The following LARP4B variants were observed in gnomAD, a reference collection of about 807,000 sequenced individuals.
The protein encoded by LARP4B is La ribonucleoprotein 4B, also known as la-related protein 4B.
In LARP4B, 12 loss-of-function variants were observed where a neutral mutation model predicts 89.8. The ratio of observed to expected loss-of-function variants is 0.13; its 90% CI spans 0.09 to 0.22. The LOEUF is 0.22. Among genes scored for constraint, LARP4B ranks in the 10% least tolerant of loss-of-function variants. The pLI is 1.00. For synonymous variants in LARP4B, 367 were observed against 363.3 expected (o/e 1.01, Z -0.12); for missense variants, 757 against 947.7 (o/e 0.80, Z 2.64).
intron 7 of LARP4B, among the ~76,000 whole-genome samples, chr10:838,843 A>T (rs1217846450): frequency 6.6e-6 from 1 of 152,242 alleles, no homozygotes; most frequent in Non-Finnish European, 1.5e-5. Flanking sequence ...CATAACTGCC[A>T]AAACTTGGAA....
chr10:839,688 C>A (rs559656999), intron 7 of LARP4B, among the ~76,000 whole-genome samples: 1 of 152,316 alleles, frequency 6.6e-6, no homozygotes, highest in African/African-American at 2.4e-5. Flanking sequence ...CTCATCCCTG[C>A]TGGTGGTGGC....
chr10:951,347 G>C, the LARP4B span, among the ~76,000 whole-genome samples: 2 of 151,972 alleles, frequency 1.3e-5, no homozygotes, highest in Non-Finnish European at 2.9e-5. Flanking sequence ...TCAGGAGTTC[G>C]AGACCAGCCT....
chr10:976,679 A>G, the LARP4B span, among the ~76,000 whole-genome samples: 4 of 149,888 alleles, frequency 2.7e-5, no homozygotes. Context: ...CTGTCACGTG[A>G]TGTGTGGCCC....
intron 3 of LARP4B, among the ~76,000 whole-genome samples, chr10:877,629 G>C (rs1388847856): frequency 2.0e-5 from 3 of 152,160 alleles, no homozygotes; most frequent in Non-Finnish European, 4.4e-5. Flanking sequence ...TTGTAAAATG[G>C]GGATAACAGT....
At chr10:902,375 G>A (rs1588976070) in intron 1 of LARP4B, among the ~76,000 whole-genome samples, 1 of 152,172 alleles carries the variant, frequency 6.6e-6, no homozygotes, top group African/African-American at 2.4e-5. Context: ...TTTATCCCGT[G>A]CTACACCTTT....
intron 1 of LARP4B, among the ~76,000 whole-genome samples, chr10:907,735 T>C (rs1392097507): frequency 1.3e-5 from 2 of 152,216 alleles, no homozygotes; most frequent in Non-Finnish European, 2.9e-5. Flanking sequence ...ATGATATGAC[T>C]GGGCTGGCAG....
At chr10:926,132 C>T (rs916964517) in intron 1 of LARP4B, among the ~76,000 whole-genome samples, 8 of 152,202 alleles carry the variant, frequency 5.3e-5, no homozygotes, top group Non-Finnish European at 8.8e-5. Context: ...TTTCACTAAA[C>T]ATCTACAGTT....
chr10:821,030 T>G, intron 13 of LARP4B, 185 bp from the exon 14 acceptor site: 1 of 596,346 alleles, frequency 1.7e-6, no homozygotes, highest in Non-Finnish European at 2.9e-6. Context: ...CAACACAAAG[T>G]TGACAGCAAG....
chr10:910,853 C>T (rs1836647086), intron 1 of LARP4B, among the ~76,000 whole-genome samples: 1 of 152,210 alleles, frequency 6.6e-6, no homozygotes, highest in Admixed American at 6.5e-5. Context: ...TACTGAAAAG[C>T]ACACAGCCCT....
chr10:926,075 C>G (rs1336081699), intron 1 of LARP4B, among the ~76,000 whole-genome samples: 1 of 152,224 alleles, frequency 6.6e-6, no homozygotes, highest in African/African-American at 2.4e-5. Flanking sequence ...CTCTGGAACA[C>G]AGGTGGGAGA....
Position 835,039 on chromosome 10 carries a change from C to CAA in LARP4B, c.750+1362_750+1363dup, listed in dbSNP as rs34825774. 6.5e-3 allele frequency among the ~76,000 whole-genome samples: 603 copies of CAA among 93,468 alleles called. 5 individuals carry two copies. Among genetic ancestry groups the CAA allele is most frequent in the African/African-American group, 0.021 (529 of 25,234 alleles). 61.3% of individuals were successfully genotyped at this position (93,468 alleles called of 152,430 possible). ...TGGGTGACAGAGCAAGACTCCGTCT[C>CAA]AAAAAAAAAAAAAAAGCAAGCAAGA... On this transcript the variant is annotated intron_variant, in intron 8 of 17. Transcript: ENST00000316157.
intron 15 of LARP4B, among the ~76,000 whole-genome samples, chr10:817,137 G>C (rs568778369): frequency 6.6e-6 from 1 of 152,326 alleles, no homozygotes; most frequent in South Asian, 2.1e-4. Flanking sequence ...AGGTGTGGCA[G>C]CCGGCCAAGT....
intron 1 of LARP4B, among the ~76,000 whole-genome samples, chr10:924,922 G>C (rs1837095324): frequency 6.6e-6 from 1 of 152,238 alleles, no homozygotes; most frequent in Non-Finnish European, 1.5e-5. Context: ...ATTGTTCTAA[G>C]GCTTAGGTTC....
the LARP4B span, chr10:971,708 C>G: frequency 6.6e-6 from 1 of 152,200 alleles, no homozygotes; most frequent in African/African-American, 2.4e-5. Flanking sequence ...AAGGGCAAAA[C>G]CCTTGCAAGG....
the LARP4B span, among the ~76,000 whole-genome samples, chr10:940,798 A>G: frequency 6.6e-6 from 1 of 151,810 alleles, no homozygotes; most frequent in Non-Finnish European, 1.5e-5. Flanking sequence ...GACTGTGTCC[A>G]GGAGGCCACT....
chr10:968,889 A>T, the LARP4B span, among the ~76,000 whole-genome samples: 1 of 152,246 alleles, frequency 6.6e-6, no homozygotes, highest in Non-Finnish European at 1.5e-5. Flanking sequence ...TATAAATCAC[A>T]GGATGCTGTG....
intron 5 of LARP4B, among the ~76,000 whole-genome samples, chr10:860,931 C>T (rs768491952): frequency 6.6e-6 from 1 of 152,070 alleles, no homozygotes; most frequent in Non-Finnish European, 1.5e-5. Context: ...CCGAGGTGGG[C>T]GGGTCATGAG....
At chr10:864,352 A>G in intron 3 of LARP4B, 82 bp from the exon 4 acceptor site, 5 of 1,393,268 alleles carry the variant, frequency 3.6e-6, no homozygotes, top group Non-Finnish European at 5.1e-6. Flanking sequence ...GTTAAGAGAC[A>G]TCAGATATAG....
Position 843,079 on chromosome 10 carries a change from A to G in LARP4B, c.510-11T>C. On this transcript the variant is annotated splice_polypyrimidine_tract_variant and intron_variant, in intron 6 of 17. Transcript: ENST00000316157. ...CTAGCAAGGTTCTCCCTGTTGAAAG[A>G]AAACAATCTCTTTTAATCAGTATTT... 1 of 1,611,256 alleles carries G rather than the reference A, an allele frequency of 6.2e-7. No individual in the cohort carries two copies. The highest frequency in any genetic ancestry group is 8.5e-7 in the Non-Finnish European group (1 of 1,178,362).
Sources: allele counts gnomAD v4.1 joint callset (sites outside exome capture counted in the v4.1 genomes callset), GRCh38; gene constraint gnomAD v4.1.1; transcripts MANE v1.5; gene names NCBI Gene and HGNC (gene_info 2026-07-23, HGNC 2026-07-21).